Variants in ADRA1B observed in about 807,000 individuals in gnomAD.
The protein encoded by ADRA1B is adrenoceptor alpha 1B.
In ADRA1B, 17 loss-of-function variants were observed where a neutral mutation model predicts 17.9. The ratio of observed to expected loss-of-function variants is 0.95; its 90% CI spans 0.65 to 1.42. The LOEUF is 1.42. ADRA1B is among the 40% of genes most tolerant of loss of function. ADRA1B has a pLI of 0.00. For synonymous variants in ADRA1B, 366 were observed against 327.6 expected (o/e 1.12, Z -1.27); for missense variants, 681 against 722.1 (o/e 0.94, Z 0.65).
chr5:159,899,243 G>GAAGGAAGGAAGGAAGGAAGA (rs1360981178), intron 1 of ADRA1B, among the ~76,000 whole-genome samples: 7 of 142,604 alleles, frequency 4.9e-5, no homozygotes, highest in African/African-American at 1.1e-4. Flanking sequence ...AGGGAGGGAG[G>GAAGGAAGGAAGGAAGGAAGA]AAGGAAGGAA....
intron 1 of ADRA1B, among the ~76,000 whole-genome samples, chr5:159,884,956 T>C (rs1305022020): frequency 6.6e-6 from 1 of 152,222 alleles, no homozygotes; most frequent in Non-Finnish European, 1.5e-5. Flanking sequence ...TTAATTTCCT[T>C]TGGCTGGTTC....
rs576994119 is a variant in ADRA1B, at chr5:159,917,850, G to A, written c.945G>A (p.Pro315=). 1.2e-5 allele frequency: 19 copies of A among 1,598,518 alleles called. No individual in the cohort carries two copies. The highest frequency in any genetic ancestry group is 5.4e-5 in the African/African-American group (4 of 74,452). ...GGCTACCCTTCTTCATCGCTCTACC[G>A]CTTGGTAAGTTGGGGACTAGCAGCA... The part of the protein sequence containing the change: ...LCWLPFFIAL[P]LGSLFSTLKP... Residue 315 remains proline, a synonymous_variant, in exon 1 of 2, where the codon CCG becomes CCA. Coordinates refer to ENST00000306675, the MANE Select transcript of ADRA1B (RefSeq NM_000679.4).
intron 1 of ADRA1B, among the ~76,000 whole-genome samples, chr5:159,944,833 C>T (rs552312095): frequency 6.6e-6 from 1 of 152,102 alleles, no homozygotes; most frequent in African/African-American, 2.4e-5. Flanking sequence ...TTCCCTGTCT[C>T]GAGTACTCTT....
At chr5:159,948,435 A>G (rs1755335049) in intron 1 of ADRA1B, 1 of 985,458 alleles carries the variant, frequency 1.0e-6, no homozygotes, top group Non-Finnish European at 1.2e-6. Context: ...GCGTTTTTCA[A>G]CAGAAATCAG....
chr5:159,962,034 T>C (rs1755672660), intron 1 of ADRA1B, among the ~76,000 whole-genome samples: 1 of 151,964 alleles, frequency 6.6e-6, no homozygotes, highest in Admixed American at 6.6e-5. Context: ...CCTGTCTCTA[T>C]CAAAAAATAC....
intron 1 of ADRA1B, among the ~76,000 whole-genome samples, chr5:159,927,901 A>G (rs1187033652): frequency 6.6e-6 from 1 of 152,150 alleles, no homozygotes; most frequent in Non-Finnish European, 1.5e-5. Flanking sequence ...AAAAGGAAAA[A>G]TGTGACTTAC....
chr5:159,973,904 T>C (rs1755932928), downstream of ADRA1B, among the ~76,000 whole-genome samples: 1 of 152,182 alleles, frequency 6.6e-6, no homozygotes, highest in Admixed American at 6.5e-5. Context: ...GAAACATTTT[T>C]CTTCAGAGAT....
At chr5:159,876,393 G>A (rs1331977277) in intron 1 of ADRA1B, among the ~76,000 whole-genome samples, 1 of 152,082 alleles carries the variant, frequency 6.6e-6, no homozygotes, top group Non-Finnish European at 1.5e-5. Flanking sequence ...AGAGAGAATG[G>A]GATTTCTCCT....
the ADRA1B span, among the ~76,000 whole-genome samples, chr5:159,983,412 C>A: frequency 6.6e-6 from 1 of 152,206 alleles, no homozygotes; most frequent in Non-Finnish European, 1.5e-5. Context: ...CCATTACAAG[C>A]CTTAAACCCC....
the ADRA1B span, among the ~76,000 whole-genome samples, chr5:159,984,913 AAAAAAG>A: frequency 9.5e-4 from 144 of 151,930 alleles, no homozygotes; most frequent in African/African-American, 3.2e-3. Flanking sequence ...TCAAAAAAAA[AAAAAAG>A]AAAAGAAAAG....
At chr5:159,921,246 C>G (rs1292049388) in intron 1 of ADRA1B, among the ~76,000 whole-genome samples, 1 of 152,150 alleles carries the variant, frequency 6.6e-6, no homozygotes, top group Non-Finnish European at 1.5e-5. Context: ...CCAAGTTGGA[C>G]CAGGGACCAG....
rs79417431 is a variant in ADRA1B at position 159,876,588 on chromosome 5, G to T, written c.-256+11382G>T. 6.3e-3 allele frequency among the ~76,000 whole-genome samples: 963 copies of T among 152,286 alleles called. 9 individuals carry two copies. The highest frequency in any genetic ancestry group is 0.022 in the African/African-American group (913 of 41,566). On this transcript the variant is annotated intron_variant, in intron 1 of 2. Transcript: ENST00000641205. ...CTCATTCCCTAGATTCAGCAGAGGG[G>T]GGTCCATCTTAGCATACTGCTGCAG...
At chr5:159,966,525 ACTT>A (rs1193529778) in intron 1 of ADRA1B, among the ~76,000 whole-genome samples, 1 of 152,194 alleles carries the variant, frequency 6.6e-6, no homozygotes, top group Non-Finnish European at 1.5e-5. Context: ...GTCACTGAGG[ACTT>A]GTTCAGGGTG....
intron 1 of ADRA1B, among the ~76,000 whole-genome samples, chr5:159,894,073 G>A (rs1754016403): frequency 6.6e-6 from 1 of 152,202 alleles, no homozygotes; most frequent in African/African-American, 2.4e-5. Context: ...CAAGGGGCCA[G>A]GTGGTCAACA....
At chr5:159,942,787 G>A (rs936876445) in intron 1 of ADRA1B, among the ~76,000 whole-genome samples, 1 of 152,038 alleles carries the variant, frequency 6.6e-6, no homozygotes, top group Non-Finnish European at 1.5e-5. Context: ...GAAAAAAACT[G>A]GAAGGTAATA....
At chr5:159,931,009 T>TA (rs1561597075) in intron 1 of ADRA1B, among the ~76,000 whole-genome samples, 2 of 147,366 alleles carry the variant, frequency 1.4e-5, no homozygotes, top group Non-Finnish European at 3.0e-5. Context: ...TTTATAATAT[T>TA]TATTATATAT....
At chr5:159,867,525 G>GTACAGCTATACTTGCTGTTAGTATTT (rs1561578277) in intron 1 of ADRA1B, among the ~76,000 whole-genome samples, 19 of 152,014 alleles carry the variant, frequency 1.2e-4, no homozygotes, top group African/African-American at 3.6e-4. Context: ...CTTCACTCAG[G>GTACAGCTATACTTGCTGTTAGTATTT]TACAGCTATA....
intron 1 of ADRA1B, among the ~76,000 whole-genome samples, chr5:159,925,197 A>C (rs1271505792): frequency 6.6e-6 from 1 of 152,202 alleles, no homozygotes; most frequent in Non-Finnish European, 1.5e-5. Context: ...GGGAAGCCAG[A>C]GTTTATTCTA....
At chr5:159,939,558 A>G (rs1388862779) in intron 1 of ADRA1B, among the ~76,000 whole-genome samples, 1 of 152,192 alleles carries the variant, frequency 6.6e-6, no homozygotes, top group African/African-American at 2.4e-5. Flanking sequence ...CAAACAGATC[A>G]GAATCTCAGC....
Sources: allele counts gnomAD v4.1 joint callset (sites outside exome capture counted in the v4.1 genomes callset), GRCh38; gene constraint gnomAD v4.1.1; transcripts MANE v1.5; gene names NCBI Gene and HGNC (gene_info 2026-07-23, HGNC 2026-07-21).